The following PRICKLE1 variants were observed in gnomAD, a reference collection of about 807,000 sequenced individuals.
The protein encoded by PRICKLE1 is prickle-like protein 1.
PRICKLE1 carries 14 observed loss-of-function variants against 70.2 expected under a neutral mutation model. The observed-to-expected ratio is 0.20, with a 90% confidence interval of 0.13 to 0.31. The LOEUF is 0.31. Among genes scored for constraint, PRICKLE1 ranks in the 10% least tolerant of loss-of-function variants. The probability of loss-of-function intolerance (pLI) is 1.00; values close to 1 mark genes in which losing one functional copy is unlikely to be tolerated. For synonymous variants in PRICKLE1, 357 were observed against 379.9 expected, an observed-to-expected ratio of 0.94 and a Z score of 0.70; for missense variants, 821 against 1,026.2, an observed-to-expected ratio of 0.80 and a Z score of 2.73.
chr12:42,564,662 A>G (rs1207590247), intron 1 of PRICKLE1, among the ~76,000 whole-genome samples: 1 of 152,206 alleles, frequency 6.6e-6, no homozygotes, highest in Non-Finnish European at 1.5e-5. Context: ...AAATTCTAGG[A>G]ATACCAACAT....
chr12:42,494,305 C>T (rs1215360109), intron 1 of PRICKLE1, among the ~76,000 whole-genome samples: 2 of 152,218 alleles, frequency 1.3e-5, no homozygotes, highest in Non-Finnish European at 2.9e-5. Context: ...AAAGATTTCT[C>T]TGTAGCATGT....
At chr12:42,525,851 T>C (rs1939790764) in intron 1 of PRICKLE1, among the ~76,000 whole-genome samples, 1 of 151,928 alleles carries the variant, frequency 6.6e-6, no homozygotes, top group Non-Finnish European at 1.5e-5. Context: ...AAAGTGATAA[T>C]ACATACAAAG....
chr12:42,514,833 C>A (rs1939575611), intron 1 of PRICKLE1, among the ~76,000 whole-genome samples: 1 of 152,006 alleles, frequency 6.6e-6, no homozygotes, highest in South Asian at 2.1e-4. Flanking sequence ...GTATTTATCT[C>A]CATTTCTCTA....
intron 1 of PRICKLE1, among the ~76,000 whole-genome samples, chr12:42,555,069 G>A (rs1173223076): frequency 1.6e-4 from 25 of 152,048 alleles, no homozygotes; most frequent in East Asian, 3.9e-4. Flanking sequence ...TTGGGAGGCC[G>A]AGGAGGGTGG....
intron 1 of PRICKLE1, among the ~76,000 whole-genome samples, chr12:42,476,972 C>T (rs1286840491): frequency 6.6e-6 from 1 of 151,970 alleles, no homozygotes; most frequent in African/African-American, 2.4e-5. Context: ...TTAAAGATTG[C>T]TTGTACTTGC....
At chr12:42,552,998 A>G (rs996206078) in intron 1 of PRICKLE1, among the ~76,000 whole-genome samples, 1 of 152,218 alleles carries the variant, frequency 6.6e-6, no homozygotes, top group Non-Finnish European at 1.5e-5. Context: ...GGTGGAGCTC[A>G]GGCTGTATTG....
At chr12:42,587,616 T>G (rs1053302938) in intron 1 of PRICKLE1, among the ~76,000 whole-genome samples, 1 of 152,236 alleles carries the variant, frequency 6.6e-6, no homozygotes, top group African/African-American at 2.4e-5. Context: ...TTGATGGCAT[T>G]TAGAAACCCT....
chr12:42,566,418 T>C (rs1940621567), intron 1 of PRICKLE1, among the ~76,000 whole-genome samples: 1 of 151,916 alleles, frequency 6.6e-6, no homozygotes, highest in Non-Finnish European at 1.5e-5. Context: ...CAAACAGAAA[T>C]TGGAGGGGGA....
At chr12:42,494,063 A>G (rs1939152070) in intron 1 of PRICKLE1, among the ~76,000 whole-genome samples, 1 of 152,172 alleles carries the variant, frequency 6.6e-6, no homozygotes, top group Non-Finnish European at 1.5e-5. Context: ...CAACAGCACA[A>G]TGTCTAAAAA....
intron 1 of PRICKLE1, among the ~76,000 whole-genome samples, chr12:42,562,156 C>T (rs185278172): frequency 1.3e-5 from 2 of 152,024 alleles, no homozygotes; most frequent in Non-Finnish European, 2.9e-5. Context: ...GTGATCCGCT[C>T]GCCTTGGTCT....
At chr12:42,472,650 G>GT in intron 1 of PRICKLE1, 86 bp from the exon 2 acceptor site, 1 of 1,126,312 alleles carries the variant, frequency 8.9e-7, no homozygotes, top group Non-Finnish European at 1.3e-6. Flanking sequence ...ATTGAATGCT[G>GT]TTAACAGACA....
chr12:42,584,701 T>C (rs1940957872), intron 1 of PRICKLE1, among the ~76,000 whole-genome samples: 1 of 152,270 alleles, frequency 6.6e-6, no homozygotes, highest in East Asian at 1.9e-4. Flanking sequence ...CCGCCAATAT[T>C]GTGTGTAATT....
intron 1 of PRICKLE1, chr12:42,489,859 T>C (rs376497816): frequency 3.9e-5 from 6 of 152,166 alleles, no homozygotes; most frequent in Admixed American, 3.3e-4. Context: ...CCAGACATAG[T>C]GGGACAGGGG....
chr12:42,555,720 T>C (rs531903340), intron 1 of PRICKLE1, among the ~76,000 whole-genome samples: 2 of 152,264 alleles, frequency 1.3e-5, no homozygotes, highest in Non-Finnish European at 2.9e-5. Flanking sequence ...ATTCTAAATA[T>C]TTTAACAATT....
intron 1 of PRICKLE1, among the ~76,000 whole-genome samples, chr12:42,479,262 T>A (rs768522867): frequency 1.3e-5 from 2 of 152,256 alleles, no homozygotes; most frequent in African/African-American, 4.8e-5. Context: ...CATCTTCTTT[T>A]TGAGCTTGCG....
At chr12:42,506,489 C>T (rs1356745266) in intron 1 of PRICKLE1, among the ~76,000 whole-genome samples, 2 of 150,846 alleles carry the variant, frequency 1.3e-5, no homozygotes, top group African/African-American at 4.9e-5. Context: ...ACTCCTGACC[C>T]CAGGTGACCC....
intron 1 of PRICKLE1, among the ~76,000 whole-genome samples, chr12:42,500,750 G>T (rs1939292326): frequency 6.6e-6 from 1 of 150,888 alleles, no homozygotes; most frequent in Admixed American, 6.6e-5. Flanking sequence ...GCATATCTGG[G>T]CAATTCTAAC....
At chr12:42,497,349 T>C (rs746394989) in intron 1 of PRICKLE1, among the ~76,000 whole-genome samples, 2 of 151,886 alleles carry the variant, frequency 1.3e-5, no homozygotes, top group African/African-American at 4.8e-5. Context: ...ATCAAGATCA[T>C]CCTGGCTAAC....
chr12:42,495,041 T>A (rs372580547), intron 1 of PRICKLE1, among the ~76,000 whole-genome samples: 1 of 151,370 alleles, frequency 6.6e-6, no homozygotes, highest in Non-Finnish European at 1.5e-5. Context: ...ACTATAGGCA[T>A]GTGCTCCATG....
Sources: allele counts gnomAD v4.1 joint callset (sites outside exome capture counted in the v4.1 genomes callset), GRCh38; gene constraint gnomAD v4.1.1; transcripts MANE v1.5; gene names NCBI Gene and HGNC (gene_info 2026-07-23, HGNC 2026-07-21).